The following TRPM4 variants were observed in gnomAD, a reference collection of about 807,000 sequenced individuals.
The protein encoded by TRPM4 is calcium-activated non-selective cation channel 1.
TRPM4 carries 124 observed loss-of-function variants against 135.6 expected under a neutral mutation model. The ratio of observed to expected loss-of-function variants is 0.91; its 90% CI spans 0.79 to 1.06. The LOEUF is 1.06. Among genes scored for constraint, TRPM4 ranks in the 50% least tolerant of loss-of-function variants. TRPM4 has a pLI of 0.00. For synonymous variants in TRPM4, 745 were observed against 705.6 expected, an observed-to-expected ratio of 1.06 and a Z score of -0.88; for missense variants, 1,658 against 1,671.4, an observed-to-expected ratio of 0.99 and a Z score of 0.14.
chr19:49,180,818 A>C (rs1967889665), intron 9 of TRPM4, among the ~76,000 whole-genome samples: 1 of 149,946 alleles, frequency 6.7e-6, no homozygotes, highest in Admixed American at 6.7e-5. Context: ...CCATCTATCC[A>C]CCCTGTACAT....
chr19:49,174,396 C>T (rs113947254), intron 9 of TRPM4, among the ~76,000 whole-genome samples: 1 of 151,976 alleles, frequency 6.6e-6, no homozygotes, highest in Non-Finnish European at 1.5e-5. Context: ...CATGATCCAT[C>T]CACCTCGGCC....
In TRPM4 at chr19:49,182,436, TCATC is replaced by T. The variant is rs1226405360; in HGVS notation, c.1264-131_1264-128del. The stretch of plus-strand genomic sequence containing the variant: ...TCCATCCATCCATCTACCTATCCAT[TCATC>T]CATCCATCCACCCATCCATCCATCC... On this transcript the variant is annotated intron_variant, in intron 10 of 24. Transcript: ENST00000252826. 4.7e-3 allele frequency: 3,004 copies of T among 638,112 alleles called. 11 individuals carry two copies. The highest frequency in any genetic ancestry group is 6.0e-3 in the Non-Finnish European group (2,224 of 369,826). The allele number at this position is 638,112 out of a possible 1,614,324, so 39.5% of individuals were successfully genotyped here.
At chr19:49,189,182 G>C in intron 14 of TRPM4, 91 bp downstream of exon 14, 1 of 1,552,178 alleles carries the variant, frequency 6.4e-7, no homozygotes, top group Admixed American at 1.8e-5. Context: ...AACATCTATG[G>C]TCTTGACCAG....
intron 6 of TRPM4, among the ~76,000 whole-genome samples, chr19:49,169,849 C>T (rs768554991): frequency 2.6e-5 from 4 of 152,186 alleles, no homozygotes; most frequent in South Asian, 4.1e-4. Context: ...TGAGCCACTG[C>T]GCCCAGCCAG....
At position 49,211,162 on chromosome 19, in the gene TRPM4, A is replaced by G; in HGVS notation, c.3535-2A>G. ...CGCTCTGACATTCCTCCCATTCCGC[A>G]GGTCCAGCAGTGTAGCCGCGTCCTG... On this transcript the variant is annotated splice_acceptor_variant, in intron 23 of 24. Coordinates refer to ENST00000252826, the MANE Select transcript of TRPM4 (RefSeq NM_017636.4). LOFTEE classifies it high-confidence loss of function. This position sits in a 1 kb window ranked among gnomAD's most constrained non-coding sequence, Gnocchi z 4.8. 1 of 1,607,128 alleles carries G rather than the reference A, an allele frequency of 6.2e-7. No homozygotes were observed. The highest frequency in any genetic ancestry group is 8.5e-7 in the Non-Finnish European group (1 of 1,177,344).
chr19:49,182,439 T>C (rs1968005082), intron 10 of TRPM4, 139 bp from the exon 11 acceptor site: 1 of 708,184 alleles, frequency 1.4e-6, no homozygotes, highest in Admixed American at 2.1e-5. Flanking sequence ...TATCCATTCA[T>C]CCATCCATCC....
chr19:49,203,827 T>C (rs1201834219), intron 20 of TRPM4, among the ~76,000 whole-genome samples: 2 of 152,186 alleles, frequency 1.3e-5, no homozygotes, highest in African/African-American at 2.4e-5. Context: ...TATTCTATTG[T>C]ACAAATAGAC....
intron 17 of TRPM4, among the ~76,000 whole-genome samples, chr19:49,197,430 TTCTC>T (rs1164759319): frequency 1.3e-5 from 2 of 149,212 alleles, no homozygotes; most frequent in African/African-American, 2.5e-5. Context: ...TCTCTTTTCT[TTCTC>T]TCTCTCTCCC....
In TRPM4 at chr19:49,157,903, CCAGGGTCT is replaced by C; in HGVS notation, c.24+14_24+21del. ...GGAGAAGGAGCAGGTGAGCGCCGGACCAGGGTCTGCGGGAGCGCGGAGCTGGGGACCTC... is the reference window on the plus strand; with the variant it reads ...GGAGAAGGAGCAGGTGAGCGCCGGACGCGGGAGCGCGGAGCTGGGGACCTC... On this transcript the variant is annotated intron_variant, in intron 1 of 24. Transcript: ENST00000252826. The C allele has an allele frequency of 6.5e-7, 1 of 1,534,980 alleles. No homozygotes were observed. The highest frequency in any genetic ancestry group is 8.7e-7 in the Non-Finnish European group (1 of 1,146,330).
chr19:49,174,921 TG>T (rs1194570595), intron 9 of TRPM4, among the ~76,000 whole-genome samples: 3 of 151,312 alleles, frequency 2.0e-5, no homozygotes, highest in Non-Finnish European at 4.4e-5. Flanking sequence ...TTTTTTTTTT[TG>T]AGATAAGGCC....
intron 20 of TRPM4, among the ~76,000 whole-genome samples, chr19:49,207,658 A>G: frequency 6.8e-6 from 1 of 146,024 alleles, no homozygotes; most frequent in Non-Finnish European, 1.5e-5. Flanking sequence ...AAAAAAAAAA[A>G]AGCCATGCAT....
In TRPM4 at chr19:49,210,587, C is replaced by T. The variant is rs1330548349; in HGVS notation, c.3329-123C>T. On this transcript the variant is annotated intron_variant, in intron 21 of 24. Transcript: ENST00000252826. The surrounding 1 kb of genome is among the most constrained non-coding windows in gnomAD (Gnocchi z 4.1). ...CAGTGCTTACGGGTGAGGGGCGGGG[C>T]ATGTTCTCGAATCACCAGGGGCTGG... 11 of 1,501,582 alleles carry T rather than the reference C, an allele frequency of 7.3e-6. No homozygotes were observed. The highest frequency in any genetic ancestry group is 5.4e-5 in the Admixed American group (3 of 55,706). 93.0% of individuals were successfully genotyped at this position (1,501,582 alleles called of 1,614,324 possible).
chr19:49,189,084 G>A lies in TRPM4; in HGVS notation c.2012G>A (p.Gly671Glu), dbSNP rs1336569568. 2 of 1,614,026 alleles carry A rather than the reference G, an allele frequency of 1.2e-6. No individual in the cohort carries two copies. Among genetic ancestry groups the A allele is most frequent in the African/African-American group, 2.7e-5 (2 of 74,916 alleles). Residue 671 changes from glycine (G) to glutamate (E), a missense_variant, in exon 14 of 25, where the codon GGG (glycine) becomes GAG (glutamate). By Grantham distance (98) the Gly-to-Glu change is moderately conservative. Transcript: ENST00000252826. ...ADARAFFAQDGVQSLLTQKWW... is the reference protein window; with the variant it reads ...ADARAFFAQDEVQSLLTQKWW... ...GCCCGTGCCTTCTTTGCCCAGGATG[G>A]GGTACAGGTGAGTATCTGCGACACC...
chr19:49,171,929 C>A lies in TRPM4; in HGVS notation c.1051-80C>A. ...CTATTAGGTCCTGGAGGGGAATGGC[C>A]TCCTCCATCCCTTTGGACAGGGCCC... On this transcript the variant is annotated intron_variant, in intron 8 of 24. Transcript: ENST00000252826. The surrounding 1 kb of genome is among the most constrained non-coding windows in gnomAD (Gnocchi z 4.7). The A allele has an allele frequency of 7.1e-7, 1 of 1,409,330 alleles. No individual in the cohort carries two copies. Among genetic ancestry groups the A allele is most frequent in the African/African-American group, 1.4e-5 (1 of 70,716 alleles). 87.3% of individuals were successfully genotyped at this position (1,409,330 alleles called of 1,614,324 possible).
intron 19 of TRPM4, among the ~76,000 whole-genome samples, chr19:49,200,987 GTCTT>G (rs945282852): frequency 2.0e-5 from 3 of 149,560 alleles, no homozygotes; most frequent in Non-Finnish European, 3.0e-5. Flanking sequence ...CTTTCTGTCT[GTCTT>G]TCTTTTTTCT....
In TRPM4 at chr19:49,199,094, A is replaced by T. The variant is rs933057640; in HGVS notation, c.2646-1206A>T. On this transcript the variant is annotated intron_variant, in intron 17 of 24. Transcript: ENST00000252826. ...CAATGCCTGATACTTTCACTCTAAAATGTAGCTCTCAATTTAACTGAAAAA... is the reference window on the plus strand; with the variant it reads ...CAATGCCTGATACTTTCACTCTAAATTGTAGCTCTCAATTTAACTGAAAAA... Among the ~76,000 whole-genome samples, 19 of 152,016 alleles carry T rather than the reference A, an allele frequency of 1.2e-4. No individual in the cohort carries two copies. The East Asian group carries it at 2.5e-3, about 20-fold the overall frequency.
In TRPM4 at chr19:49,210,738, G is replaced by A; in HGVS notation, c.3357G>A (p.Arg1119=). Reference sequence around the variant, plus strand: ...TTTACCTTTCTAAGGAAGCCGAGCGGAAGCTGCTAACGTGGGAATCGGTGC... The same window carrying A: ...TTTACCTTTCTAAGGAAGCCGAGCGAAAGCTGCTAACGTGGGAATCGGTGC... ...FRVYLSKEAE[R]KLLTWESVHK... is the part of the protein sequence containing the mutation. Residue 1119 remains arginine (R), a synonymous_variant, in exon 22 of 25, where the codon CGG becomes CGA. Coordinates refer to ENST00000252826, the MANE Select transcript of TRPM4 (RefSeq NM_017636.4). This position sits in a 1 kb window ranked among gnomAD's most constrained non-coding sequence, Gnocchi z 4.1. 1 of 1,614,204 alleles carries A rather than the reference G, an allele frequency of 6.2e-7. No homozygotes were observed. The highest frequency in any genetic ancestry group is 1.1e-5 in the South Asian group (1 of 91,062).
In TRPM4 at chr19:49,182,658, C is replaced by T. The variant is rs1456901827; in HGVS notation, c.1344C>T (p.Gly448=). The T allele has an allele frequency of 1.9e-6, 3 of 1,614,108 alleles. No individual in the cohort carries two copies. In the African/African-American group the frequency reaches 4.0e-5, roughly 22 times the overall value. Residue 448 remains glycine (G), a synonymous_variant, in exon 11 of 25, where the codon GGC becomes GGT. Transcript: ENST00000252826. ...TCGTGCGCTTGCTCATTTCCCACGG[C>T]CTCAGCCTGGGCCACTTCCTGACCC... ...PEFVRLLISH[G]LSLGHFLTPM... is the part of the protein sequence containing the mutation.
chr19:49,165,927 TCTGTGGGTGTGGA>T (rs2122778789), intron 2 of TRPM4, 101 bp from the exon 3 acceptor site: 1 of 1,108,202 alleles, frequency 9.0e-7, no homozygotes, highest in East Asian at 2.6e-5. Context: ...TCTGCCTGCC[TCTGTGGGTGTGGA>T]CTCAGTGTCG....
Sources: gnomAD v4.1 joint callset for allele counts (sites outside exome capture counted in the v4.1 genomes callset) on GRCh38, gnomAD v4.1.1 for gene constraint, Gnocchi (gnomAD v3.1) non-coding constraint, MANE v1.5 for transcripts, NCBI Gene and HGNC (gene_info 2026-07-23, HGNC 2026-07-21) for gene names.